ZNF554: variants seen among roughly 807,000 people sequenced by gnomAD.
ZNF554 encodes zinc finger protein 554.
Under a neutral mutation model 21.2 loss-of-function variants are expected in ZNF554, and 15 were observed. The observed-to-expected ratio is 0.71, with a 90% CI of 0.47 to 1.09. The LOEUF is 1.09. ZNF554 is among the 50% of genes least tolerant of loss of function. The probability of loss-of-function intolerance (pLI) is 0.00; values close to 1 mark genes in which losing one functional copy is unlikely to be tolerated. For synonymous variants in ZNF554, 258 were observed against 251.4 expected (o/e 1.03, Z -0.25); for missense variants, 691 against 662.7 (o/e 1.04, Z -0.47).
chr19:2,821,321 C>T lies in ZNF554; in HGVS notation c.53+1197C>T, dbSNP rs1215535094. Among the ~76,000 whole-genome samples, 1 of 151,906 alleles carries T rather than the reference C, an allele frequency of 6.6e-6. No homozygotes were observed. The highest frequency in any genetic ancestry group is 1.9e-4 in the East Asian group (1 of 5,184). ...AGCCAGGCTGGTATCGAACTCCTGA[C>T]CTCAGGTGATCCACCTACCTCGGCC... On this transcript the variant is annotated intron_variant, in intron 1 of 4. Transcript: ENST00000317243. The surrounding 1 kb of genome is among the most constrained non-coding windows in gnomAD (Gnocchi z 8.2).
chr19:2,827,502 T>C (rs1305225204), intron 2 of ZNF554, 115 bp from the exon 3 acceptor site: 6 of 1,339,094 alleles, frequency 4.5e-6, no homozygotes, highest in East Asian at 2.4e-5. Context: ...AACTGACTTA[T>C]GGACTTTGCA....
chr19:2,834,865 G>C lies in ZNF554; in HGVS notation c.*13G>C. The C allele has an allele frequency of 2.6e-6, 4 of 1,555,922 alleles. No individual in the cohort carries two copies. Among genetic ancestry groups the C allele is most frequent in the Non-Finnish European group, 2.6e-6 (3 of 1,149,044 alleles). Reference sequence around the variant, plus strand: ...TATTGGATATTAGCAATTGCACGCTGCTTTGTAAGCCACTTTTTAGTACTC... The same window carrying C: ...TATTGGATATTAGCAATTGCACGCTCCTTTGTAAGCCACTTTTTAGTACTC... On this transcript the variant is annotated 3_prime_UTR_variant, in exon 5 of 5. Coordinates refer to ENST00000317243, the MANE Select transcript of ZNF554 (RefSeq NM_001102651.2).
At position 2,836,253 on chromosome 19, in the gene ZNF554, G is replaced by T. The variant is rs114347844; in HGVS notation, c.*1401G>T. Among the ~76,000 whole-genome samples the T allele has an allele frequency of 6.6e-6, 1 of 151,524 alleles. No homozygotes were observed. Among genetic ancestry groups the T allele is most frequent in the African/African-American group, 2.4e-5 (1 of 41,264 alleles). On this transcript the variant is annotated 3_prime_UTR_variant, in exon 5 of 5. Coordinates refer to ENST00000317243, the MANE Select transcript of ZNF554 (RefSeq NM_001102651.2). Reference sequence around the variant, plus strand: ...GAGCCACCGTGCTGGGATTACGGGCGTGAGCCACTGTGCTGGGATTACGGG... The same window carrying T: ...GAGCCACCGTGCTGGGATTACGGGCTTGAGCCACTGTGCTGGGATTACGGG...
Position 2,819,955 on chromosome 19 carries a change from C to G in ZNF554, c.-117C>G. On this transcript the variant is annotated 5_prime_UTR_variant, in exon 1 of 5. Coordinates refer to ENST00000317243, the MANE Select transcript of ZNF554 (RefSeq NM_001102651.2). ...GGGCGCCTGCGGGGGGCGTCCGCTC[C>G]GAGCGCCGAGGAGCCGAGCGGAGGA... The G allele has an allele frequency of 2.4e-6, 2 of 827,296 alleles. No homozygotes were observed. The highest frequency in any genetic ancestry group is 3.1e-6 in the Non-Finnish European group (2 of 635,348). 51.2% of individuals were successfully genotyped at this position (827,296 alleles called of 1,614,324 possible). A position where few individuals can be genotyped will look rare whatever the true frequency, so the allele number is the denominator to read the frequency against.
At chr19:2,822,897 C>A in intron 1 of ZNF554, 143 bp from the exon 2 acceptor site, 1 of 694,036 alleles carries the variant, frequency 1.4e-6, no homozygotes, top group Non-Finnish European at 2.4e-6. Flanking sequence ...ACCCTGGCTT[C>A]AGTCCTGGGT....
rs1599552250 is a variant in ZNF554 at position 2,832,321 on chromosome 19, G to A, written c.272G>A (p.Cys91Tyr). 1.2e-6 allele frequency: 2 copies of A among 1,604,798 alleles called. No homozygotes were observed. The highest frequency in any genetic ancestry group is 2.2e-5 in the South Asian group (2 of 89,480). ...VVSLEALKNQ[C>Y]TDVGIKEGPL... ...TTTTCAGAAGCCTTGAAGAACCAAT[G>A]TACTGATGTGGGGATTAAAGAGGGT... Residue 91 changes from cysteine (C) to tyrosine (Y), a missense_variant, in exon 4 of 5, where the codon TGT (cysteine) becomes TAT (tyrosine). By Grantham distance (194) the Cys-to-Tyr change is radical. Coordinates refer to ENST00000317243, the MANE Select transcript of ZNF554 (RefSeq NM_001102651.2).
chr19:2,835,789 T>C lies in ZNF554; in HGVS notation c.*937T>C, dbSNP rs1015783091. 2.0e-5 allele frequency: 3 copies of C among 152,226 alleles called. No individual in the cohort carries two copies. The highest frequency in any genetic ancestry group is 6.5e-5 in the Admixed American group (1 of 15,270). The allele number at this position is 152,226 out of a possible 1,614,324, so 9.4% of individuals were successfully genotyped here. ...TTCTTAACTACTTCTGTGTCTTTAC[T>C]TTTTATTTCATTGTTCATTGTTTTT... On this transcript the variant is annotated 3_prime_UTR_variant, in exon 5 of 5. Coordinates refer to ENST00000317243, the MANE Select transcript of ZNF554 (RefSeq NM_001102651.2).
In ZNF554 at chr19:2,821,562, G is replaced by A. The variant is rs1004910596; in HGVS notation, c.53+1438G>A. On this transcript the variant is annotated intron_variant, in intron 1 of 4. Transcript: ENST00000317243. This position sits in a 1 kb window ranked among gnomAD's most constrained non-coding sequence, Gnocchi z 8.2. ...CTTCTCTGTCTCTTCCAGCTTCTGGGGGTGGCCTGCCATAGTTGGTGTCCC... is the reference window on the plus strand; with the variant it reads ...CTTCTCTGTCTCTTCCAGCTTCTGGAGGTGGCCTGCCATAGTTGGTGTCCC... 4.6e-5 allele frequency among the ~76,000 whole-genome samples: 7 copies of A among 151,936 alleles called. No individual in the cohort carries two copies. The highest frequency in any genetic ancestry group is 4.1e-4 in the South Asian group (2 of 4,830).
intron 3 of ZNF554, chr19:2,830,723 G>A (rs1399494767): frequency 1.3e-5 from 2 of 151,520 alleles, no homozygotes; most frequent in Non-Finnish European, 2.9e-5. Flanking sequence ...AGCCTCCCAA[G>A]TAGCTGGAAT....
chr19:2,836,262 T>C lies in ZNF554; in HGVS notation c.*1410T>C, dbSNP rs56379421. Among the ~76,000 whole-genome samples, 179 of 146,240 alleles carry C rather than the reference T, an allele frequency of 1.2e-3. No individual in the cohort carries two copies. Among genetic ancestry groups the C allele is most frequent in the African/African-American group, 3.2e-3 (126 of 39,592 alleles). ...TGCTGGGATTACGGGCGTGAGCCAC[T>C]GTGCTGGGATTACGGGCGCGAGCCA... On this transcript the variant is annotated 3_prime_UTR_variant, in exon 5 of 5. Coordinates refer to ENST00000317243, the MANE Select transcript of ZNF554 (RefSeq NM_001102651.2).
In ZNF554 at chr19:2,834,142, C is replaced by T. The variant is rs1217258814; in HGVS notation, c.907C>T (p.Gln303Ter). The change falls in exon 5 of 5, where the codon CAG becomes TAG. Residue 303 changes from glutamine (Q) to a stop codon, truncating the protein, a stop_gained. Coordinates refer to ENST00000317243, the MANE Select transcript of ZNF554 (RefSeq NM_001102651.2). LOFTEE classifies it low-confidence loss of function (END_TRUNC). ...GATGTTTGTGTATTTGGAAAATGGG[C>T]AGTCATTGAACCACGGTATGGCCCT... ...GKMFVYLENG[Q>*]SLNHGMALTI... The T allele has an allele frequency of 1.2e-6, 2 of 1,613,882 alleles. No individual in the cohort carries two copies. The highest frequency in any genetic ancestry group is 1.7e-6 in the Non-Finnish European group (2 of 1,180,042).
In ZNF554 at chr19:2,821,811, A is replaced by C. The variant is rs1028333061; in HGVS notation, c.54-1229A>C. On this transcript the variant is annotated intron_variant, in intron 1 of 4. Coordinates refer to ENST00000317243, the MANE Select transcript of ZNF554 (RefSeq NM_001102651.2). This position sits in a 1 kb window ranked among gnomAD's most constrained non-coding sequence, Gnocchi z 8.2. ...CTCGAGTAGCTGGGATTACAGGTGCACGCCACCACACCCAGCTAATTTTTG... is the reference window on the plus strand; with the variant it reads ...CTCGAGTAGCTGGGATTACAGGTGCCCGCCACCACACCCAGCTAATTTTTG... Among the ~76,000 whole-genome samples the C allele has an allele frequency of 6.6e-6, 1 of 151,632 alleles. No individual in the cohort carries two copies. The highest frequency in any genetic ancestry group is 1.5e-5 in the Non-Finnish European group (1 of 67,926).
In ZNF554 at chr19:2,821,262, T is replaced by G. The variant is rs554810516; in HGVS notation, c.53+1138T>G. On this transcript the variant is annotated intron_variant, in intron 1 of 4. Coordinates refer to ENST00000317243, the MANE Select transcript of ZNF554 (RefSeq NM_001102651.2). The surrounding 1 kb of genome is among the most constrained non-coding windows in gnomAD (Gnocchi z 8.2). ...CCACCCCGCCTGGCTAATTTTTATA[T>G]TTTTAGTAGATACAGAGTTTCTCCA... Among the ~76,000 whole-genome samples the G allele has an allele frequency of 1.3e-5, 2 of 151,664 alleles. No homozygotes were observed. Among genetic ancestry groups the G allele is most frequent in the Non-Finnish European group, 2.9e-5 (2 of 68,006 alleles).
chr19:2,820,683 C>CTTTTTTTTTTTTTTTTTTTTTTTTTTT (rs1568330714), intron 1 of ZNF554, among the ~76,000 whole-genome samples: 1 of 81,836 alleles, frequency 1.2e-5, no homozygotes, highest in African/African-American at 6.1e-5. Context: ...CAGCAAGGGT[C>CTTTTTTTTTTTTTTTTTTTTTTTTTTT]CTTTTTTTTT....
chr19:2,830,118 G>A (rs2087394458), intron 3 of ZNF554, among the ~76,000 whole-genome samples: 1 of 152,214 alleles, frequency 6.6e-6, no homozygotes, highest in African/African-American at 2.4e-5. Context: ...TGTATTTTTA[G>A]TAGAGATGGG....
At chr19:2,820,987 A>G (rs766092182) in intron 1 of ZNF554, among the ~76,000 whole-genome samples, 1 of 151,036 alleles carries the variant, frequency 6.6e-6, no homozygotes, top group Non-Finnish European at 1.5e-5. Flanking sequence ...GTTTATACCC[A>G]CCACCCATGT....
intron 4 of ZNF554, among the ~76,000 whole-genome samples, chr19:2,832,983 C>A (rs2087440475): frequency 6.6e-6 from 1 of 151,812 alleles, no homozygotes; most frequent in Admixed American, 6.6e-5. Flanking sequence ...GGAGTACAGG[C>A]ATCAGCCATG....
chr19:2,829,926 T>A (rs2087390509), intron 3 of ZNF554, among the ~76,000 whole-genome samples: 1 of 151,842 alleles, frequency 6.6e-6, no homozygotes. Flanking sequence ...TGGACATTTC[T>A]TTTCTTTTCT....
At chr19:2,820,388 A>T (rs1444126293) in intron 1 of ZNF554, among the ~76,000 whole-genome samples, 1 of 151,946 alleles carries the variant, frequency 6.6e-6, no homozygotes. Context: ...AGACGCATTG[A>T]CTCTACCCTA....
Sources: gnomAD v4.1 joint callset for allele counts (sites outside exome capture counted in the v4.1 genomes callset) on GRCh38, gnomAD v4.1.1 for gene constraint, Gnocchi (gnomAD v3.1) non-coding constraint, MANE v1.5 for transcripts, NCBI Gene and HGNC (gene_info 2026-07-23, HGNC 2026-07-21) for gene names.